The following AGBL1 variants were observed in gnomAD, a reference collection of about 807,000 sequenced individuals.
AGBL1 encodes the protein cytosolic carboxypeptidase 4.
AGBL1 carries 130 observed loss-of-function variants against 118.9 expected under a neutral mutation model. The observed-to-expected ratio is 1.09, with a 90% CI of 0.95 to 1.26. The LOEUF (loss-of-function observed/expected upper bound fraction) is 1.26. AGBL1 is among the 50% of genes most tolerant of loss of function. The pLI, the probability that AGBL1 is intolerant of heterozygous loss-of-function variation, is 0.00. For missense variants in AGBL1, 1,584 were observed against 1,298.1 expected (o/e 1.22, Z -3.38); for synonymous variants, 555 against 478.9 (o/e 1.16, Z -2.08).
intron 22 of AGBL1, among the ~76,000 whole-genome samples, chr15:86,728,290 G>A (rs1055110873): frequency 2.6e-5 from 4 of 152,186 alleles, no homozygotes; most frequent in Admixed American, 6.5e-5. Flanking sequence ...ATTCCATCAT[G>A]TGACACTATT....
At chr15:86,958,242 T>C (rs1480246815) in intron 23 of AGBL1, among the ~76,000 whole-genome samples, 2 of 149,918 alleles carry the variant, frequency 1.3e-5, no homozygotes, top group African/African-American at 2.4e-5. Context: ...AAATGAAAGA[T>C]GGTAGAATGG....
chr15:86,414,705 G>T (rs987309942), intron 18 of AGBL1, among the ~76,000 whole-genome samples: 16 of 152,282 alleles, frequency 1.1e-4, no homozygotes, highest in Non-Finnish European at 2.1e-4. Context: ...TTTGAACAGG[G>T]TCACATTTGT....
chr15:86,801,399 A>G (rs982537884), intron 22 of AGBL1, among the ~76,000 whole-genome samples: 1 of 151,720 alleles, frequency 6.6e-6, no homozygotes, highest in African/African-American at 2.4e-5. Flanking sequence ...TACTCATCCC[A>G]TTCTCTTCTG....
At chr15:86,871,155 C>T (rs1182642351) in intron 22 of AGBL1, among the ~76,000 whole-genome samples, 1 of 152,184 alleles carries the variant, frequency 6.6e-6, no homozygotes. Context: ...TGTCATTTTG[C>T]TTCCTTTCTT....
At chr15:86,152,581 A>G (rs991564086) in intron 3 of AGBL1, among the ~76,000 whole-genome samples, 2 of 152,164 alleles carry the variant, frequency 1.3e-5, no homozygotes, top group Admixed American at 6.5e-5. Context: ...AACCTAGGCA[A>G]TACCATTCAG....
chr15:86,975,747 G>C (rs1264593135), intron 23 of AGBL1, among the ~76,000 whole-genome samples: 5 of 152,070 alleles, frequency 3.3e-5, no homozygotes, highest in African/African-American at 7.2e-5. Context: ...CTGTCTTTCA[G>C]CTTAAATGTC....
chr15:86,943,895 G>C (rs949640432), intron 23 of AGBL1, among the ~76,000 whole-genome samples: 1 of 152,086 alleles, frequency 6.6e-6, no homozygotes, highest in African/African-American at 2.4e-5. Context: ...CCAGCCCATT[G>C]GCCAGGAGCA....
At chr15:86,155,949 T>C (rs1467065535) in intron 4 of AGBL1, among the ~76,000 whole-genome samples, 5 of 152,178 alleles carry the variant, frequency 3.3e-5, no homozygotes, top group Non-Finnish European at 5.9e-5. Context: ...TGAGATGAAG[T>C]CTCACTCTTT....
intron 22 of AGBL1, among the ~76,000 whole-genome samples, chr15:86,813,424 C>T (rs1245905534): frequency 6.6e-6 from 1 of 152,152 alleles, no homozygotes; most frequent in Non-Finnish European, 1.5e-5. Flanking sequence ...CAAAAAGTGC[C>T]TCTATCACAT....
chr15:86,184,436 T>TA (rs1481629884), intron 5 of AGBL1, among the ~76,000 whole-genome samples: 8 of 147,920 alleles, frequency 5.4e-5, no homozygotes, highest in Non-Finnish European at 1.5e-5. Flanking sequence ...TTTCTTTCTT[T>TA]TTTTTTTTTT....
intron 1 of AGBL1, among the ~76,000 whole-genome samples, chr15:86,129,285 G>T (rs551476302): frequency 6.6e-6 from 1 of 152,116 alleles, no homozygotes; most frequent in South Asian, 2.1e-4. Context: ...GTGTGTGTGC[G>T]TTTGTGTGTA....
intron 5 of AGBL1, among the ~76,000 whole-genome samples, chr15:86,214,337 A>G (rs559422609): frequency 6.6e-6 from 1 of 152,344 alleles, no homozygotes; most frequent in Non-Finnish European, 1.5e-5. Context: ...GAGTTCAACT[A>G]AGTGTGTGGT....
At position 86,866,582 on chromosome 15, in the gene AGBL1, G is replaced by T. The variant is rs187667388; in HGVS notation, c.3159-40505G>T. On this transcript the variant is annotated intron_variant, in intron 22 of 22. Coordinates refer to ENST00000614907, the MANE Select transcript of AGBL1 (RefSeq NM_001386094.1). ...TAGAATACTACCTCTGGCCGGGTGT[G>T]GTGGCTCAAGCCTGTAATCCCAGCA... Among the ~76,000 whole-genome samples, 6 of 152,328 alleles carry T rather than the reference G, an allele frequency of 3.9e-5. No individual in the cohort carries two copies. In the East Asian group the frequency reaches 1.2e-3, roughly 29 times the overall value.
chr15:86,635,156 C>A (rs2085054542), intron 21 of AGBL1, among the ~76,000 whole-genome samples: 1 of 151,836 alleles, frequency 6.6e-6, no homozygotes, highest in African/African-American at 2.4e-5. Flanking sequence ...ATATTTTCTT[C>A]TTTTAAGACT....
At chr15:86,191,740 C>A (rs972233424) in intron 5 of AGBL1, among the ~76,000 whole-genome samples, 1 of 151,862 alleles carries the variant, frequency 6.6e-6, no homozygotes, top group African/African-American at 2.4e-5. Context: ...GTTGGGAAAT[C>A]TTCCTCCATT....
chr15:86,558,339 AC>A (rs748481954), intron 21 of AGBL1, among the ~76,000 whole-genome samples: 5 of 152,178 alleles, frequency 3.3e-5, no homozygotes, highest in Non-Finnish European at 5.9e-5. Context: ...CCTGCAGCCT[AC>A]ATCCAATAGC....
intron 17 of AGBL1, among the ~76,000 whole-genome samples, chr15:86,325,092 G>A (rs943799958): frequency 3.3e-5 from 5 of 152,178 alleles, no homozygotes; most frequent in African/African-American, 1.2e-4. Context: ...ATGTTTAAAG[G>A]GTTTTGGGTT....
intron 17 of AGBL1, among the ~76,000 whole-genome samples, chr15:86,389,979 T>A (rs1248014551): frequency 6.6e-6 from 1 of 152,104 alleles, no homozygotes; most frequent in Non-Finnish European, 1.5e-5. Flanking sequence ...GATAAAACAG[T>A]GCTAGACTAA....
chr15:86,305,782 A>T lies in AGBL1; in HGVS notation c.2374+10374A>T, dbSNP rs866119946. 1.3e-5 allele frequency among the ~76,000 whole-genome samples: 2 copies of T among 152,246 alleles called. 1 individual carries two copies. The highest frequency in any genetic ancestry group is 4.1e-4 in the South Asian group (2 of 4,822). Reference sequence around the variant, plus strand: ...ATGTACAGAGCCTTGAAATTTAGGTAAAAAGTACTTAAATTGGCCTTCTTG... The same window carrying T: ...ATGTACAGAGCCTTGAAATTTAGGTTAAAAGTACTTAAATTGGCCTTCTTG... On this transcript the variant is annotated intron_variant, in intron 17 of 22. Coordinates refer to ENST00000614907, the MANE Select transcript of AGBL1 (RefSeq NM_001386094.1).
Sources: allele counts gnomAD v4.1 joint callset (sites outside exome capture counted in the v4.1 genomes callset), GRCh38; gene constraint gnomAD v4.1.1; transcripts MANE v1.5; gene names NCBI Gene and HGNC (gene_info 2026-07-23, HGNC 2026-07-21).